Variants in RAPGEF6 observed in about 807,000 individuals in gnomAD.
RAPGEF6 encodes the protein PDZ domain containing guanine nucleotide exchange factor (GEF) 2.
Under a neutral mutation model 171.4 loss-of-function variants are expected in RAPGEF6, and 56 were observed. The ratio of observed to expected loss-of-function variants is 0.33; its 90% CI spans 0.26 to 0.41. The LOEUF is 0.41. Ranked by LOEUF, RAPGEF6 falls within the 10% of genes least tolerant of loss-of-function variation. RAPGEF6 has a pLI of 1.00. For synonymous variants in RAPGEF6, 692 were observed against 650.1 expected (o/e 1.06, Z -0.98); for missense variants, 1,674 against 1,921.4 (o/e 0.87, Z 2.41).
At chr5:131,436,210 T>A in intron 24 of RAPGEF6, 1 of 1,537,636 alleles carries the variant, frequency 6.5e-7, no homozygotes, top group Non-Finnish European at 8.7e-7. Context: ...TCTGGTTGTG[T>A]TCTCACAACT....
chr5:131,615,826 C>T (rs966824538), intron 1 of RAPGEF6, among the ~76,000 whole-genome samples: 9 of 151,886 alleles, frequency 5.9e-5, no homozygotes, highest in Non-Finnish European at 7.4e-5. Context: ...TGCTTGAACC[C>T]GGGCACGGAG....
intron 1 of RAPGEF6, among the ~76,000 whole-genome samples, chr5:131,624,913 G>A (rs544158467): frequency 4.5e-4 from 68 of 150,884 alleles, no homozygotes; most frequent in African/African-American, 1.6e-3. Context: ...ACTTGAGGTC[G>A]GGAGTTCGAG....
At chr5:131,486,726 ATTTTTTTT>A (rs5871425) in intron 15 of RAPGEF6, among the ~76,000 whole-genome samples, 1 of 127,296 alleles carries the variant, frequency 7.9e-6, no homozygotes, top group Non-Finnish European at 1.6e-5. Context: ...CAAGGGATAA[ATTTTTTTT>A]TTTTTTTTTT....
chr5:131,483,335 T>G (rs1227245886), intron 15 of RAPGEF6, among the ~76,000 whole-genome samples: 1 of 111,424 alleles, frequency 9.0e-6, no homozygotes, highest in Non-Finnish European at 1.7e-5. Context: ...GGCAACAGAG[T>G]AAGACTCTGT....
chr5:131,502,391 A>G (rs1757083775), intron 11 of RAPGEF6, among the ~76,000 whole-genome samples: 1 of 152,238 alleles, frequency 6.6e-6, no homozygotes, highest in African/African-American at 2.4e-5. Context: ...CCAAATATTT[A>G]TCAGTTACAA....
At chr5:131,514,530 C>T (rs979007967) in intron 7 of RAPGEF6, among the ~76,000 whole-genome samples, 6 of 151,894 alleles carry the variant, frequency 4.0e-5, no homozygotes, top group African/African-American at 1.5e-4. Flanking sequence ...TATAAAGAGA[C>T]TCGATAATGA....
At chr5:131,436,397 C>T in intron 24 of RAPGEF6, 2 of 1,528,418 alleles carry the variant, frequency 1.3e-6, no homozygotes, top group South Asian at 2.4e-5. Context: ...GGGAGAGATG[C>T]AAAAACCCTG....
chr5:131,594,796 C>T (rs1763798037), intron 3 of RAPGEF6, among the ~76,000 whole-genome samples: 1 of 152,198 alleles, frequency 6.6e-6, no homozygotes. Flanking sequence ...TTAATGACTG[C>T]CCTGCTGGGT....
At chr5:131,615,455 T>C (rs772147608) in intron 1 of RAPGEF6, among the ~76,000 whole-genome samples, 16 of 152,074 alleles carry the variant, frequency 1.1e-4, no homozygotes, top group Admixed American at 9.8e-4. Context: ...CTATTAGGCA[T>C]AAAGTCACAA....
intron 17 of RAPGEF6, among the ~76,000 whole-genome samples, chr5:131,470,004 T>C (rs1361262170): frequency 6.6e-6 from 1 of 152,216 alleles, no homozygotes; most frequent in East Asian, 1.9e-4. Context: ...AATATACATA[T>C]GTGATGTACA....
intron 7 of RAPGEF6, 64 bp downstream of exon 7, chr5:131,521,326 A>G: frequency 6.9e-7 from 1 of 1,455,364 alleles, no homozygotes; most frequent in Non-Finnish European, 9.2e-7. Context: ...TCTAAGGCAC[A>G]ATCACAGAAT....
chr5:131,457,661 T>C (rs1411053786), intron 19 of RAPGEF6, among the ~76,000 whole-genome samples: 1 of 152,120 alleles, frequency 6.6e-6, no homozygotes, highest in Non-Finnish European at 1.5e-5. Context: ...AAATACAGTT[T>C]CCTTGGATGT....
At chr5:131,514,685 C>T (rs1355830038) in intron 7 of RAPGEF6, among the ~76,000 whole-genome samples, 1 of 151,268 alleles carries the variant, frequency 6.6e-6, no homozygotes, top group African/African-American at 2.4e-5. Context: ...GAAGAAAGGG[C>T]AACAAAAGCT....
rs766669302 is a variant in RAPGEF6 at position 131,603,255 on chromosome 5, T to A, written c.197+16A>T. 2 of 1,558,484 alleles carry A rather than the reference T, an allele frequency of 1.3e-6. No homozygotes were observed. Among genetic ancestry groups the A allele is most frequent in the Non-Finnish European group, 1.8e-6 (2 of 1,142,206 alleles). The stretch of plus-strand genomic sequence containing the variant: ...CATAAAAGTCATTAGTTTATGTGAA[T>A]TATGGAAATACTTACCAAAAGAGAA... On this transcript the variant is annotated intron_variant, in intron 3 of 27. Transcript: ENST00000509018.
rs373060747 is a variant in RAPGEF6 at position 131,503,298 on chromosome 5, GAGGAATCAGTGAC to G, written c.1254+1315_1254+1327del. On this transcript the variant is annotated intron_variant, in intron 11 of 27. Transcript: ENST00000509018. ...AAATGCAGTGAAAATATTAACAGTT[GAGGAATCAGTGAC>G]AGATCTCTCTACTGTTCTTGCAACT... Among the ~76,000 whole-genome samples the G allele has an allele frequency of 4.9e-3, 746 of 152,314 alleles. 7 individuals are homozygous for G. Among genetic ancestry groups the G allele is most frequent in the African/African-American group, 0.018 (728 of 41,552 alleles).
rs1753466294 is a variant in RAPGEF6 at position 131,456,014 on chromosome 5, T to C, written c.2865-2A>G. ...GCTACAGATGCCAGGTTCAAGCCAC[T>C]GCCAAAGATGAGAATAGAAACATTA... On this transcript the variant is annotated splice_acceptor_variant, in intron 19 of 27. Transcript: ENST00000509018. LOFTEE classifies it high-confidence loss of function. 1.2e-6 allele frequency: 2 copies of C among 1,613,220 alleles called. No homozygotes were observed. Among genetic ancestry groups the C allele is most frequent in the Non-Finnish European group, 1.7e-6 (2 of 1,179,556 alleles).
chr5:131,573,494 G>A (rs1259979651), intron 4 of RAPGEF6, among the ~76,000 whole-genome samples: 1 of 151,856 alleles, frequency 6.6e-6, no homozygotes, highest in East Asian at 1.9e-4. Flanking sequence ...AAATGGAGAG[G>A]TCGTCCTGAC....
At chr5:131,561,194 CTT>C (rs1452546286) in intron 5 of RAPGEF6, among the ~76,000 whole-genome samples, 2 of 152,128 alleles carry the variant, frequency 1.3e-5, no homozygotes, top group African/African-American at 4.8e-5. Flanking sequence ...TAAATACACT[CTT>C]AAATAAAAAC....
chr5:131,487,106 G>A (rs1032293380), intron 15 of RAPGEF6, among the ~76,000 whole-genome samples: 2 of 152,114 alleles, frequency 1.3e-5, no homozygotes, highest in African/African-American at 4.8e-5. Flanking sequence ...ACGGTTGAGT[G>A]TTACAGCTCT....
Sources: allele counts gnomAD v4.1 joint callset (sites outside exome capture counted in the v4.1 genomes callset), GRCh38; gene constraint gnomAD v4.1.1; transcripts MANE v1.5; gene names NCBI Gene and HGNC (gene_info 2026-07-23, HGNC 2026-07-21).